The following SEL1L2 variants were observed in gnomAD, a reference collection of about 807,000 sequenced individuals.
SEL1L2 encodes the protein SEL1L2 adaptor subunit of SYVN1 ubiquitin ligase, also known as protein sel-1 homolog 2.
A neutral mutation model predicts 98.8 loss-of-function variants in SEL1L2; 89 were observed. The ratio of observed to expected loss-of-function variants is 0.90; its 90% CI spans 0.76 to 1.07. SEL1L2 has a LOEUF of 1.07. Ranked by LOEUF, SEL1L2 falls within the 50% of genes least tolerant of loss-of-function variation. The probability of loss-of-function intolerance (pLI) is 0.00; values close to 1 mark genes in which losing one functional copy is unlikely to be tolerated. For synonymous variants in SEL1L2, 262 were observed against 278.5 expected (o/e 0.94, Z 0.59); for missense variants, 788 against 812.0 (o/e 0.97, Z 0.36).
intron 2 of SEL1L2, among the ~76,000 whole-genome samples, chr20:13,936,044 A>G (rs1413857312): frequency 1.3e-5 from 2 of 152,214 alleles, no homozygotes; most frequent in Non-Finnish European, 2.9e-5. Flanking sequence ...GGGCCCATCT[A>G]TAGACTAGCT....
intron 2 of SEL1L2, among the ~76,000 whole-genome samples, chr20:13,950,112 T>C (rs578203096): frequency 5.9e-5 from 9 of 152,112 alleles, no homozygotes; most frequent in Non-Finnish European, 1.3e-4. Context: ...ATGAGGTACC[T>C]AAAGTAGTCA....
intron 6 of SEL1L2, 97 bp downstream of exon 6, chr20:13,888,362 C>T: frequency 1.3e-6 from 1 of 799,190 alleles, no homozygotes; most frequent in Non-Finnish European, 2.1e-6. Context: ...TCAACTACTA[C>T]ACTAGAGTGA....
chr20:13,859,976 T>C (rs1428585163), intron 17 of SEL1L2, among the ~76,000 whole-genome samples: 1 of 152,230 alleles, frequency 6.6e-6, no homozygotes, highest in Non-Finnish European at 1.5e-5. Flanking sequence ...AGTGCTGGGA[T>C]TACAGGCGTG....
intron 10 of SEL1L2, among the ~76,000 whole-genome samples, chr20:13,882,091 T>C (rs925145428): frequency 6.6e-6 from 1 of 152,050 alleles, no homozygotes; most frequent in African/African-American, 2.4e-5. Context: ...CCCATAAATA[T>C]GTACAATTAT....
rs562292702 is a variant in SEL1L2 at position 13,881,488 on chromosome 20, C to T, written c.957+3859G>A. On this transcript the variant is annotated intron_variant, in intron 10 of 19. Coordinates refer to ENST00000284951, the MANE Select transcript of SEL1L2 (RefSeq NM_025229.2). ...GCTTTATCCATTTTAATAATATTCACCCAAACATCCCGCTTTCCTAATCCA... is the reference window on the plus strand; with the variant it reads ...GCTTTATCCATTTTAATAATATTCATCCAAACATCCCGCTTTCCTAATCCA... 1.1e-4 allele frequency among the ~76,000 whole-genome samples: 17 copies of T among 152,294 alleles called. No homozygotes were observed. In the East Asian group the frequency reaches 3.1e-3, roughly 28 times the overall value.
chr20:13,992,053 A>C (rs1012907535), upstream of SEL1L2, among the ~76,000 whole-genome samples: 1 of 152,116 alleles, frequency 6.6e-6, no homozygotes, highest in African/African-American at 2.4e-5. Context: ...AAAATCAATG[A>C]GCAATGAAGG....
intron 1 of SEL1L2, among the ~76,000 whole-genome samples, chr20:13,959,296 A>G (rs1178561981): frequency 3.9e-5 from 6 of 152,186 alleles, no homozygotes; most frequent in Non-Finnish European, 8.8e-5. Context: ...TGGACCAGGA[A>G]GAAGCTCCAA....
rs1401248425 is a variant in SEL1L2, at chr20:13,936,019, T to G, written c.115-4248A>C. Among the ~76,000 whole-genome samples, 3 of 152,214 alleles carry G rather than the reference T, an allele frequency of 2.0e-5. No homozygotes were observed. The East Asian group carries it at 5.8e-4, about 29-fold the overall frequency. Reference sequence around the variant, plus strand: ...AACAGCAAATGCAATAAAAGCATGTTTGTAAAACTCTCCTGGGCCCATCTA... The same window carrying G: ...AACAGCAAATGCAATAAAAGCATGTGTGTAAAACTCTCCTGGGCCCATCTA... On this transcript the variant is annotated intron_variant, in intron 2 of 19. Coordinates refer to ENST00000284951, the MANE Select transcript of SEL1L2 (RefSeq NM_025229.2).
At chr20:13,961,947 G>A (rs1405929595) in intron 1 of SEL1L2, among the ~76,000 whole-genome samples, 1 of 152,188 alleles carries the variant, frequency 6.6e-6, no homozygotes, top group African/African-American at 2.4e-5. Context: ...CATTGGGTAT[G>A]TGAAGGCATA....
At chr20:13,928,805 C>T (rs905856787) in intron 3 of SEL1L2, among the ~76,000 whole-genome samples, 6 of 152,082 alleles carry the variant, frequency 3.9e-5, no homozygotes, top group Non-Finnish European at 5.9e-5. Flanking sequence ...ATGTAAAATG[C>T]GCACAGTGAA....
intron 18 of SEL1L2, among the ~76,000 whole-genome samples, chr20:13,856,291 G>A (rs6042393): frequency 0.11 from 17,241 of 152,010 alleles, 1,063 homozygotes; most frequent in African/African-American, 0.16. Context: ...TACCTTGCCC[G>A]GTTAATTTTT....
chr20:13,864,076 C>T (rs1451240991), intron 17 of SEL1L2, among the ~76,000 whole-genome samples: 1 of 152,108 alleles, frequency 6.6e-6, no homozygotes, highest in South Asian at 2.1e-4. Flanking sequence ...CACACCATTT[C>T]CTGGCTTGGA....
chr20:13,987,828 T>C (rs2052307228), intron 1 of SEL1L2, among the ~76,000 whole-genome samples: 1 of 152,198 alleles, frequency 6.6e-6, no homozygotes. Flanking sequence ...TTAAATTGGG[T>C]TGTCATTTTG....
chr20:13,906,651 GTC>G (rs2047942071), intron 5 of SEL1L2, among the ~76,000 whole-genome samples: 2 of 151,980 alleles, frequency 1.3e-5, no homozygotes, highest in Admixed American at 1.3e-4. Context: ...ATAACCTATA[GTC>G]TCTCTGTGAA....
At chr20:13,918,355 G>T (rs962728176) in intron 4 of SEL1L2, among the ~76,000 whole-genome samples, 6 of 152,136 alleles carry the variant, frequency 3.9e-5, no homozygotes, top group African/African-American at 1.4e-4. Context: ...GGTGACCACA[G>T]GTTGTGCCCC....
intron 2 of SEL1L2, among the ~76,000 whole-genome samples, chr20:13,939,104 C>T (rs1310562712): frequency 4.2e-5 from 6 of 141,296 alleles, no homozygotes; most frequent in African/African-American, 8.1e-5. Flanking sequence ...AGTGCAATGG[C>T]GCAATCTCAG....
chr20:13,980,006 G>A (rs1404357643), intron 1 of SEL1L2, among the ~76,000 whole-genome samples: 1 of 151,986 alleles, frequency 6.6e-6, no homozygotes, highest in Non-Finnish European at 1.5e-5. Context: ...CAACTAAATA[G>A]GAAGAAAACA....
chr20:13,908,509 A>G (rs73261474), intron 5 of SEL1L2, among the ~76,000 whole-genome samples: 54 of 152,310 alleles, frequency 3.5e-4, no homozygotes, highest in African/African-American at 1.2e-3. Context: ...CAGTTCATCA[A>G]TATTAAGGAA....
chr20:13,917,786 C>CTTTTTTTTTTT lies in SEL1L2; in HGVS notation c.386+1224_386+1234dup, dbSNP rs5840588. ...CCATACTTTCTTTATTTCTTTCTTT[C>CTTTTTTTTTTT]TTTTTTTTTTTTTTTTTTTTTTTTT... On this transcript the variant is annotated intron_variant, in intron 4 of 19. Coordinates refer to ENST00000284951, the MANE Select transcript of SEL1L2 (RefSeq NM_025229.2). 2.9e-3 allele frequency among the ~76,000 whole-genome samples: 145 copies of CTTTTTTTTTTT among 50,096 alleles called. 12 individuals carry two copies. The highest frequency in any genetic ancestry group is 7.4e-3 in the African/African-American group (82 of 11,020). The allele number at this position is 50,096 out of a possible 152,430, so 32.9% of individuals were successfully genotyped here. A position where few individuals can be genotyped will look rare whatever the true frequency, so the allele number is the denominator to read the frequency against.
Sources: gnomAD v4.1 joint callset for allele counts (sites outside exome capture counted in the v4.1 genomes callset) on GRCh38, gnomAD v4.1.1 for gene constraint, MANE v1.5 for transcripts, NCBI Gene and HGNC (gene_info 2026-07-23, HGNC 2026-07-21) for gene names.